Variants in GJB1 observed in about 807,000 individuals in gnomAD.
GJB1 encodes the protein gap junction beta-1 protein.
A neutral mutation model predicts 12.0 loss-of-function variants in GJB1; 1 was observed. The observed-to-expected ratio is 0.08, with a 90% CI of 0.03 to 0.40. The LOEUF (loss-of-function observed/expected upper bound fraction) is 0.40. Among genes scored for constraint, GJB1 ranks in the 10% least tolerant of loss-of-function variants. GJB1 has a pLI of 0.98. For missense variants in GJB1, 140 were observed against 250.3 expected (o/e 0.56, Z 2.97); for synonymous variants, 114 against 102.8 (o/e 1.11, Z -0.66).
At position 71,224,402 on chromosome X, in the gene GJB1, G is replaced by T; in HGVS notation, c.695G>T (p.Gly232Val). Residue 232 changes from glycine (G) to valine (V), a missense_variant, in exon 2 of 2, where the codon GGC becomes GTC. Transcript: ENST00000361726. ...CGCTCCAATCCACCTTCCCGCAAGG[G>T]CTCGGGCTTCGGCCACCGCCTCTCA... Reference protein sequence around the residue: ...QRRSNPPSRKGSGFGHRLSPE... With the variant: ...QRRSNPPSRKVSGFGHRLSPE... 8.3e-7 allele frequency: 1 copy of T among 1,210,434 alleles called. No homozygotes were observed.
chrX:71,220,890 CTTTTTTTTTTTT>C (rs869189116), upstream of GJB1, among the ~76,000 whole-genome samples: 1 of 34,502 alleles, frequency 2.9e-5, no homozygotes, highest in Non-Finnish European at 4.5e-5. Flanking sequence ...TGTTTCTTTC[CTTTTTTTTTTTT>C]TTTTTTTTTT....
chrX:71,224,346 C>G lies in GJB1; in HGVS notation c.639C>G (p.Ile213Met), dbSNP rs2147946992. ...ATGTGGCCGAGGTGGTGTACCTCATCATCCGGGCCTGTGCCCGCCGAGCCC... is the reference window on the plus strand; with the variant it reads ...ATGTGGCCGAGGTGGTGTACCTCATGATCCGGGCCTGTGCCCGCCGAGCCC... ...ILNVAEVVYL[I>M]IRACARRAQR... Residue 213 changes from isoleucine to methionine, a missense_variant, in exon 2 of 2, where the codon ATC (isoleucine) becomes ATG (methionine). Around this residue, in one of 4 missense-constraint regions of GJB1, gnomAD observed 75 missense variants for 78.8 expected, o/e 0.95. Transcript: ENST00000361726. 1.7e-6 allele frequency: 2 copies of G among 1,209,559 alleles called. No individual in the cohort carries two copies. The highest frequency in any genetic ancestry group is 2.2e-6 in the Non-Finnish European group (2 of 894,981).
At chrX:71,215,872 A>AT (rs71913204) in intron 1 of GJB1, among the ~76,000 whole-genome samples, 4,432 of 96,317 alleles carry the variant, frequency 0.046, 149 homozygotes, top group African/African-American at 0.1. Flanking sequence ...TGGTTCGGAG[A>AT]TTTTTTTTTT....
At chrX:71,219,613 T>C (rs184404548), upstream of GJB1, among the ~76,000 whole-genome samples, 464 of 100,717 alleles carry the variant, frequency 4.6e-3, 5 homozygotes, top group African/African-American at 0.015. Flanking sequence ...CTACTAAAAA[T>C]ACAAAAAAAA....
At chrX:71,218,246 C>T (rs1472163232), upstream of GJB1, among the ~76,000 whole-genome samples, 1 of 109,610 alleles carries the variant, frequency 9.1e-6, no homozygotes, top group Non-Finnish European at 1.9e-5. Context: ...GAGCAGAGAG[C>T]GTGCCACTGT....
rs771579861 is a variant in GJB1 at position 71,224,281 on chromosome X, G to A, written c.574G>A (p.Val192Ile). 13 of 1,205,553 alleles carry A rather than the reference G, an allele frequency of 1.1e-5. No individual in the cohort carries two copies. In the East Asian group the frequency reaches 1.5e-4, roughly 14 times the overall value. Residue 192 changes from valine to isoleucine, a missense_variant, in exon 2 of 2, where the codon GTC (valine) becomes ATC (isoleucine). Physicochemically the swap from Val to Ile is conservative, Grantham distance 29. Transcript: ENST00000361726. ...SRPTEKTVFT[V>I]FMLAASGICI... is the part of the protein sequence containing the mutation. ...CCCCACCGAGAAAACCGTCTTCACC[G>A]TCTTCATGCTAGCTGCCTCTGGCAT...
chrX:71,221,741 T>C (rs191848684), upstream of GJB1, among the ~76,000 whole-genome samples: 52 of 111,349 alleles, frequency 4.7e-4, no homozygotes, highest in African/African-American at 1.7e-3. Flanking sequence ...ATTTCCTCCC[T>C]AGAGCAACTG....
At chrX:71,220,142 C>CTTT (rs41353351), upstream of GJB1, among the ~76,000 whole-genome samples, 3 of 52,803 alleles carry the variant, frequency 5.7e-5, no homozygotes, top group African/African-American at 2.9e-4. Context: ...TGTGCCTGGC[C>CTTT]TTTTTTTTTT....
upstream of GJB1, among the ~76,000 whole-genome samples, chrX:71,220,142 C>CTTTTTTTTTTTTT (rs41353351): frequency 3.8e-5 from 2 of 52,825 alleles, no homozygotes; most frequent in African/African-American, 2.9e-4. Flanking sequence ...TGTGCCTGGC[C>CTTTTTTTTTTTTT]TTTTTTTTTT....
chrX:71,224,619 T>C lies in GJB1; in HGVS notation c.*60T>C. On this transcript the variant is annotated 3_prime_UTR_variant, in exon 2 of 2. Coordinates refer to ENST00000361726, the MANE Select transcript of GJB1 (RefSeq NM_000166.6). ...GACCCTGCCCTGGGCGAGCCCCTCC[T>C]TCTCCCCTGCCGGTGCACAGGCCTC... 1 of 936,006 alleles carries C rather than the reference T, an allele frequency of 1.1e-6. No homozygotes were observed. Among genetic ancestry groups the C allele is most frequent in the Non-Finnish European group, 1.5e-6 (1 of 669,272 alleles). 77.1% of individuals were successfully genotyped at this position (936,006 alleles called of 1,213,427 possible). A position where few individuals can be genotyped will look rare whatever the true frequency, so the allele number is the denominator to read the frequency against.
At chrX:71,217,620 G>A (rs2092528108) in intron 1 of GJB1, 2 of 112,026 alleles carry the variant, frequency 1.8e-5, no homozygotes. Flanking sequence ...GATGTTTTTA[G>A]AATGAAATCC....
rs776798195 is a variant in GJB1 at position 71,224,145 on chromosome X, G to A, written c.438G>A (p.Glu146=). The A allele has an allele frequency of 1.0e-5, 12 of 1,202,929 alleles. No homozygotes were observed. Among genetic ancestry groups the A allele is most frequent in the Admixed American group, 4.5e-5 (2 of 44,753 alleles). Residue 146 remains glutamate (E), a synonymous_variant, in exon 2 of 2, where the codon GAG becomes GAA. Transcript: ENST00000361726. ...VISVVFRLLF[E]AVFMYVFYLL... ...GCGTGGTGTTCCGGCTGTTGTTTGA[G>A]GCCGTCTTCATGTATGTCTTTTATC... is the stretch of plus-strand genomic sequence containing the variant.
intron 1 of GJB1, among the ~76,000 whole-genome samples, chrX:71,216,100 A>G (rs1293892207): frequency 6.4e-5 from 7 of 109,373 alleles, no homozygotes; most frequent in Non-Finnish European, 1.3e-4. Flanking sequence ...CAAACTCCCA[A>G]CCTCAGGTGA....
upstream of GJB1, among the ~76,000 whole-genome samples, chrX:71,221,597 C>A (rs1045442346): frequency 3.6e-5 from 4 of 111,042 alleles, no homozygotes; most frequent in Admixed American, 1.9e-4. Context: ...GATCACTGCA[C>A]CTCCTATGGT....
chrX:71,223,002 T>G (rs1281943342), upstream of GJB1, among the ~76,000 whole-genome samples: 3 of 111,167 alleles, frequency 2.7e-5, no homozygotes, highest in Non-Finnish European at 5.7e-5. Flanking sequence ...CCCGTGGCCA[T>G]TCTTCTGGTG....
At chrX:71,221,323 TTTTATTTA>T (rs57849718), upstream of GJB1, among the ~76,000 whole-genome samples, 23,403 of 99,924 alleles carry the variant, frequency 0.23, 2,452 homozygotes, top group Admixed American at 0.33. Context: ...CACTAAGGCT[TTTTATTTA>T]TTTATTTATT....
chrX:71,221,665 A>ATGCC (rs767111802), upstream of GJB1, among the ~76,000 whole-genome samples: 4 of 111,288 alleles, frequency 3.6e-5, no homozygotes, highest in African/African-American at 9.8e-5. Flanking sequence ...ATCTCCTTGC[A>ATGCC]ACTTAATGGC....
In GJB1 at chrX:71,225,119, G is replaced by A. The variant is rs1417665342; in HGVS notation, c.*560G>A. On this transcript the variant is annotated 3_prime_UTR_variant, in exon 2 of 2. Coordinates refer to ENST00000361726, the MANE Select transcript of GJB1 (RefSeq NM_000166.6). ...GGCAGATAAGTTGGAGCAGGGGTTG[G>A]TCAAGGCCACCTCTGCCTCTAGTCC... is the stretch of plus-strand genomic sequence containing the variant. 1 of 130,582 alleles carries A rather than the reference G, an allele frequency of 7.7e-6. No homozygotes were observed. Among genetic ancestry groups the A allele is most frequent in the African/African-American group, 3.3e-5 (1 of 30,748 alleles). 10.8% of individuals were successfully genotyped at this position (130,582 alleles called of 1,213,427 possible). A position where few individuals can be genotyped will look rare whatever the true frequency, so the allele number is the denominator to read the frequency against.
intron 1 of GJB1, 84 bp from the exon 2 acceptor site, chrX:71,223,608 A>G (rs2092541604): frequency 6.8e-6 from 6 of 884,901 alleles, no homozygotes; most frequent in Non-Finnish European, 9.9e-6. Flanking sequence ...GGAAGAGTTG[A>G]GGGGGGGTGC....
Sources: allele counts gnomAD v4.1 joint callset (sites outside exome capture counted in the v4.1 genomes callset), GRCh38; gene constraint gnomAD v4.1.1; regional missense constraint gnomAD v4.1.1; transcripts MANE v1.5; gene names NCBI Gene and HGNC (gene_info 2026-07-23, HGNC 2026-07-21).